NRG1: variants seen among roughly 807,000 people sequenced by gnomAD.
The protein encoded by NRG1 is neuregulin 1.
Under a neutral mutation model 63.8 loss-of-function variants are expected in NRG1, and 18 were observed. The observed-to-expected ratio is 0.28, with a 90% confidence interval of 0.19 to 0.42. The LOEUF is 0.42. NRG1 is among the 10% of genes least tolerant of loss of function. The probability of loss-of-function intolerance (pLI) is 1.00; values close to 1 mark genes in which losing one functional copy is unlikely to be tolerated. For synonymous variants in NRG1, 302 were observed against 301.3 expected (o/e 1.00, Z -0.02); for missense variants, 762 against 814.7 (o/e 0.94, Z 0.79).
Position 32,075,448 on chromosome 8 carries a change from T to C in NRG1, c.37+436017T>C, listed in dbSNP as rs529969249. Among the ~76,000 whole-genome samples the C allele has an allele frequency of 1.2e-4, 18 of 152,218 alleles. No individual in the cohort carries two copies. In the South Asian group the frequency reaches 3.5e-3, roughly 30 times the overall value. On this transcript the variant is annotated intron_variant, in intron 1 of 10. Transcript: ENST00000519301. Reference sequence around the variant, plus strand: ...ACTGTGTTGTACAAATATTACTAGATGGGTAATTTCTCTCCTTTTTTTCCA... The same window carrying C: ...ACTGTGTTGTACAAATATTACTAGACGGGTAATTTCTCTCCTTTTTTTCCA...
At chr8:32,485,882 G>A (rs1290084723) in intron 1 of NRG1, among the ~76,000 whole-genome samples, 1 of 152,036 alleles carries the variant, frequency 6.6e-6, no homozygotes, top group African/African-American at 2.4e-5. Flanking sequence ...TTGAATAAAT[G>A]AGCCTTGCAA....
rs142239172 is a variant in NRG1 at position 32,317,821 on chromosome 8, C to T, written c.38-278007C>T. On this transcript the variant is annotated intron_variant, in intron 1 of 10. Transcript: ENST00000519301. ...GTTGTTATATAGCTGGGCAGAGTGA[C>T]ATTTTTGGCTGTATTCTAGTGTTGA... 6.5e-3 allele frequency among the ~76,000 whole-genome samples: 989 copies of T among 152,278 alleles called. 5 individuals carry two copies. The highest frequency in any genetic ancestry group is 0.017 in the Middle Eastern group (5 of 294).
chr8:32,773,514 G>T (rs1352057751), intron 7 of NRG1, among the ~76,000 whole-genome samples: 1 of 152,164 alleles, frequency 6.6e-6, no homozygotes, highest in Non-Finnish European at 1.5e-5. Context: ...GATCAAGCCA[G>T]ACCTGAGCAA....
chr8:32,755,445 AT>A (rs1354058181), intron 8 of NRG1, among the ~76,000 whole-genome samples: 1 of 152,162 alleles, frequency 6.6e-6, no homozygotes, highest in African/African-American at 2.4e-5. Context: ...TTTTGTCAAT[AT>A]CCCATGATTT....
intron 5 of NRG1, among the ~76,000 whole-genome samples, chr8:32,632,869 G>A (rs1483994767): frequency 6.6e-6 from 1 of 152,130 alleles, no homozygotes; most frequent in Non-Finnish European, 1.5e-5. Flanking sequence ...CATTTGACAT[G>A]CCAATGATTT....
chr8:31,839,391 T>C lies in NRG1; in HGVS notation c.37+199960T>C, dbSNP rs575590729. Among the ~76,000 whole-genome samples, 61 of 152,322 alleles carry C rather than the reference T, an allele frequency of 4.0e-4. 1 individual carries two copies. Among genetic ancestry groups the C allele is most frequent in the African/African-American group, 1.3e-3 (54 of 41,584 alleles). ...CACAAATAAACAGAAAATATTTTCT[T>C]CATTGTTATTTGTGTGTATGCTTGT... On this transcript the variant is annotated intron_variant, in intron 1 of 10. Transcript: ENST00000519301.
At chr8:31,693,509 AG>A (rs1354476463) in intron 1 of NRG1, among the ~76,000 whole-genome samples, 28 of 146,342 alleles carry the variant, frequency 1.9e-4, no homozygotes, top group African/African-American at 7.7e-4. Flanking sequence ...AAAAAAAAAA[AG>A]AATGCCTAGC....
At chr8:32,374,164 T>C (rs1303477402) in intron 1 of NRG1, among the ~76,000 whole-genome samples, 6 of 152,188 alleles carry the variant, frequency 3.9e-5, no homozygotes, top group African/African-American at 1.4e-4. Context: ...TTCGGTGGAA[T>C]TGAACGGGCT....
exon 12 of NRG1, chr8:32,763,866 A>G: frequency 1.9e-6 from 3 of 1,613,988 alleles, no homozygotes; most frequent in East Asian, 2.2e-5. Context: ...GACGGTGTCC[A>G]TGCCTTCCAT....
intron 1 of NRG1, among the ~76,000 whole-genome samples, chr8:32,376,406 G>A (rs28622443): frequency 0.17 from 26,313 of 152,010 alleles, 2,497 homozygotes; most frequent in Middle Eastern, 0.24. Context: ...CAATCAATGT[G>A]CCCCATCTTC....
At chr8:31,836,226 A>G (rs1317698715) in intron 1 of NRG1, among the ~76,000 whole-genome samples, 2 of 152,180 alleles carry the variant, frequency 1.3e-5, no homozygotes, top group African/African-American at 2.4e-5. Flanking sequence ...GAACTTTAGT[A>G]TTTGAAGATT....
intron 1 of NRG1, among the ~76,000 whole-genome samples, chr8:32,199,829 G>C (rs1390040047): frequency 6.6e-6 from 1 of 151,760 alleles, no homozygotes; most frequent in Admixed American, 6.6e-5. Flanking sequence ...GCCCATGCTG[G>C]AGTGCAATGA....
At chr8:32,373,136 G>T (rs1290564058) in intron 1 of NRG1, among the ~76,000 whole-genome samples, 1 of 152,130 alleles carries the variant, frequency 6.6e-6, no homozygotes, top group East Asian at 1.9e-4. Context: ...GGGGAGAAGG[G>T]CAGGGAGGGG....
At chr8:32,530,073 A>C (rs552845585) in intron 1 of NRG1, among the ~76,000 whole-genome samples, 5 of 152,120 alleles carry the variant, frequency 3.3e-5, no homozygotes, top group Admixed American at 6.5e-5. Context: ...CAATGTCACT[A>C]GGTGATAGGA....
chr8:32,600,230 C>T (rs2129538334), intron 2 of NRG1, among the ~76,000 whole-genome samples: 1 of 152,008 alleles, frequency 6.6e-6, no homozygotes, highest in South Asian at 2.1e-4. Context: ...CATAGCAAGA[C>T]CCCGTCTCTA....
intron 1 of NRG1, among the ~76,000 whole-genome samples, chr8:31,805,827 C>CAAAAAAA (rs58107730): frequency 9.5e-6 from 1 of 105,326 alleles, no homozygotes. Context: ...GACTCCGTCT[C>CAAAAAAA]AAAAAAAAAA....
chr8:32,288,831 A>G (rs1037683064), intron 1 of NRG1, among the ~76,000 whole-genome samples: 1 of 152,180 alleles, frequency 6.6e-6, no homozygotes, highest in Non-Finnish European at 1.5e-5. Flanking sequence ...CAGGAGGAAA[A>G]TGTGACTCGT....
chr8:32,527,116 C>A (rs117221063), intron 1 of NRG1, among the ~76,000 whole-genome samples: 3 of 152,100 alleles, frequency 2.0e-5, no homozygotes, highest in Non-Finnish European at 4.4e-5. Context: ...AACTACCATT[C>A]GATCCAGCAA....
intron 1 of NRG1, among the ~76,000 whole-genome samples, chr8:32,114,998 G>T (rs77868211): frequency 6.6e-6 from 1 of 151,908 alleles, no homozygotes; most frequent in Non-Finnish European, 1.5e-5. Flanking sequence ...CAGGCATTGG[G>T]GTGACAACCA....
Sources: allele counts gnomAD v4.1 joint callset (sites outside exome capture counted in the v4.1 genomes callset), GRCh38; gene constraint gnomAD v4.1.1; transcripts MANE v1.5; gene names NCBI Gene and HGNC (gene_info 2026-07-23, HGNC 2026-07-21).